The following ZNF135 variants were observed in gnomAD, a reference collection of about 807,000 sequenced individuals.
ZNF135 encodes zinc finger protein 135, also known as zinc finger protein 135 (clone pHZ-17).
A neutral mutation model predicts 12.3 loss-of-function variants in ZNF135; 11 were observed. That is an observed-to-expected ratio of 0.89 (90% CI 0.56 to 1.48). The LOEUF (loss-of-function observed/expected upper bound fraction) is 1.48. ZNF135 is among the 40% of genes most tolerant of loss of function. The pLI is 0.00. For missense variants in ZNF135, 722 were observed against 815.7 expected (o/e 0.89, Z 1.40); for synonymous variants, 316 against 312.0 (o/e 1.01, Z -0.14).
chr19:58,061,766 C>G, intron 3 of ZNF135, 60 bp downstream of exon 3: 1 of 1,545,336 alleles, frequency 6.5e-7, no homozygotes. Flanking sequence ...CTGATTCTAC[C>G]AGGTTAAATA....
rs1056176978 is a variant in ZNF135 at position 58,065,034 on chromosome 19, G to A, written c.256+1493G>A. Among the ~76,000 whole-genome samples the A allele has an allele frequency of 4.6e-5, 7 of 152,166 alleles. No homozygotes were observed. The highest frequency in any genetic ancestry group is 1.9e-4 in the East Asian group (1 of 5,204). ...CCCCTAGCCCCCTCATTGTTCAAGC[G>A]TCAACAATACTACACTTCGTAGCAT... On this transcript the variant is annotated intron_variant, in intron 4 of 4. Coordinates refer to ENST00000313434, the MANE Select transcript of ZNF135 (RefSeq NM_001289401.2). This position sits in a 1 kb window ranked among gnomAD's most constrained non-coding sequence, Gnocchi z 4.0.
In ZNF135 at chr19:58,059,949, T is replaced by A. The variant is rs2073939674; in HGVS notation, c.-34-20T>A. The stretch of plus-strand genomic sequence containing the variant: ...CACCGCCTCTGCCTGCCCCAGCTGC[T>A]CACCTCCCCTTTCCCACAGAGCAGG... On this transcript the variant is annotated intron_variant, in intron 1 of 4. Transcript: ENST00000313434. The surrounding 1 kb of genome is among the most constrained non-coding windows in gnomAD (Gnocchi z 6.5). 1 of 1,611,466 alleles carries A rather than the reference T, an allele frequency of 6.2e-7. No homozygotes were observed. Among genetic ancestry groups the A allele is most frequent in the Non-Finnish European group, 8.5e-7 (1 of 1,179,254 alleles).
Position 58,067,282 on chromosome 19 carries a change from G to A in ZNF135, c.798G>A (p.Gly266=), listed in dbSNP as rs866682625. 1 of 1,614,132 alleles carries A rather than the reference G, an allele frequency of 6.2e-7. No homozygotes were observed. The highest frequency in any genetic ancestry group is 8.5e-7 in the Non-Finnish European group (1 of 1,180,040). The change falls in exon 5 of 5, where the codon GGG becomes GGA. Residue 266 remains glycine (G), a synonymous_variant. Coordinates refer to ENST00000313434, the MANE Select transcript of ZNF135 (RefSeq NM_001289401.2). ...ALTKHQRIHT[G]EKPYKCTQCG... is the part of the protein sequence containing the mutation. Reference sequence around the variant, plus strand: ...CCAAACACCAGAGAATCCATACTGGGGAGAAACCCTATAAATGCACTCAGT... The same window carrying A: ...CCAAACACCAGAGAATCCATACTGGAGAGAAACCCTATAAATGCACTCAGT...
intron 2 of ZNF135, among the ~76,000 whole-genome samples, chr19:58,061,250 G>A (rs2073975404): frequency 6.6e-6 from 1 of 152,068 alleles, no homozygotes; most frequent in Non-Finnish European, 1.5e-5. Context: ...TCAAACTTAC[G>A]TGCTCAAGTG....
chr19:58,062,413 C>T (rs2073996397), intron 3 of ZNF135, among the ~76,000 whole-genome samples: 1 of 152,082 alleles, frequency 6.6e-6, no homozygotes, highest in African/African-American at 2.4e-5. Context: ...GACAGAGTCT[C>T]GCTGTGTCAC....
At position 58,059,684 on chromosome 19, in the gene ZNF135, C is replaced by G. The variant is rs1316668943; in HGVS notation, c.-34-285C>G. The G allele has an allele frequency of 3.8e-6, 2 of 527,678 alleles. No homozygotes were observed. Among genetic ancestry groups the G allele is most frequent in the Non-Finnish European group, 6.6e-6 (2 of 301,330 alleles). 32.7% of individuals were successfully genotyped at this position (527,678 alleles called of 1,614,324 possible). On this transcript the variant is annotated intron_variant, in intron 1 of 4. Coordinates refer to ENST00000313434, the MANE Select transcript of ZNF135 (RefSeq NM_001289401.2). The surrounding 1 kb of genome is among the most constrained non-coding windows in gnomAD (Gnocchi z 6.5). ...GGCATAGTGCCCAGGGCCAGGGGACCGCAACCACCCGGCCCTTGTCACTGT... is the reference window on the plus strand; with the variant it reads ...GGCATAGTGCCCAGGGCCAGGGGACGGCAACCACCCGGCCCTTGTCACTGT...
intron 2 of ZNF135, among the ~76,000 whole-genome samples, chr19:58,061,021 G>A (rs113129007): frequency 0.017 from 2,609 of 151,878 alleles, 27 homozygotes; most frequent in Middle Eastern, 0.027. Context: ...CCAGCTACTC[G>A]AGAGGCTGAG....
At position 58,065,873 on chromosome 19, in the gene ZNF135, C is replaced by T. The variant is rs1438773447; in HGVS notation, c.257-868C>T. ...GAAACATAACAATATGGGGAAGGTG[C>T]CCACATCACACCTCTAGGCCACTGT... is the stretch of plus-strand genomic sequence containing the variant. On this transcript the variant is annotated intron_variant, in intron 4 of 4. Transcript: ENST00000313434. The surrounding 1 kb of genome is among the most constrained non-coding windows in gnomAD (Gnocchi z 4.0). Among the ~76,000 whole-genome samples the T allele has an allele frequency of 6.6e-6, 1 of 151,826 alleles. No individual in the cohort carries two copies. The highest frequency in any genetic ancestry group is 1.5e-5 in the Non-Finnish European group (1 of 67,996).
At position 58,063,342 on chromosome 19, in the gene ZNF135, G is replaced by A. The variant is rs187012996; in HGVS notation, c.161-104G>A. 2,278 of 1,516,150 alleles carry A rather than the reference G, an allele frequency of 1.5e-3. 31 individuals carry two copies. In the African/African-American group the frequency reaches 0.027, roughly 18 times the overall value. 93.9% of individuals were successfully genotyped at this position (1,516,150 alleles called of 1,614,324 possible). A position where few individuals can be genotyped will look rare whatever the true frequency, so the allele number is the denominator to read the frequency against. ...GTATGACAGCTGAAGTCACTCAGGG[G>A]TCCCCAGCCATCTGGGACCTGGAAG... On this transcript the variant is annotated intron_variant, in intron 3 of 4. Transcript: ENST00000313434. This position sits in a 1 kb window ranked among gnomAD's most constrained non-coding sequence, Gnocchi z 4.4.
At chr19:58,064,778 C>G (rs1230312084) in intron 4 of ZNF135, among the ~76,000 whole-genome samples, 7 of 151,888 alleles carry the variant, frequency 4.6e-5, no homozygotes, top group Non-Finnish European at 1.0e-4. Flanking sequence ...GTAGTCCCAG[C>G]TACTCAGGAG....
rs1259451530 is a variant in ZNF135, at chr19:58,069,435, T to C, written c.*974T>C. On this transcript the variant is annotated 3_prime_UTR_variant, in exon 5 of 5. Transcript: ENST00000313434. ...TTCTGTTTTGCAAGATTCATCTTTT[T>C]TGGGATATGTTCAAGTTAATCCTCT... 2 of 152,222 alleles carry C rather than the reference T, an allele frequency of 1.3e-5. No homozygotes were observed. The highest frequency in any genetic ancestry group is 4.8e-5 in the African/African-American group (2 of 41,460). The allele number at this position is 152,222 out of a possible 1,614,324, so 9.4% of individuals were successfully genotyped here. A position where few individuals can be genotyped will look rare whatever the true frequency, so the allele number is the denominator to read the frequency against.
Position 58,068,437 on chromosome 19 carries a change from G to A in ZNF135, c.1953G>A (p.Lys651=), listed in dbSNP as rs773863254. 2 of 1,613,960 alleles carry A rather than the reference G, an allele frequency of 1.2e-6. No individual in the cohort carries two copies. The highest frequency in any genetic ancestry group is 1.7e-5 in the Admixed American group (1 of 60,010). Residue 651 remains lysine (K), a synonymous_variant, in exon 5 of 5, where the codon AAG becomes AAA. Transcript: ENST00000313434. The stretch of plus-strand genomic sequence containing the variant: ...TTACCCACAGCTCCTCCCTTACCAA[G>A]CACCAGAGAACTCACACTGGATAAA... ...KAFTHSSSLT[K]HQRTHTG is the part of the protein sequence containing the mutation.
chr19:58,067,961 C>T lies in ZNF135; in HGVS notation c.1477C>T (p.Pro493Ser). The T allele has an allele frequency of 1.2e-6, 2 of 1,614,010 alleles. No individual in the cohort carries two copies. The highest frequency in any genetic ancestry group is 1.7e-6 in the Non-Finnish European group (2 of 1,180,002). The change falls in exon 5 of 5, where the codon CCC becomes TCC. Residue 493 changes from proline (P) to serine (S), a missense_variant. Pro to Ser is a moderately conservative substitution (Grantham distance 74). Transcript: ENST00000313434. ...CCAGCGAATCCACACAGGGGAGAAG[C>T]CCTATGAATGCAATGACTGCGGCAA... ...QHQRIHTGEK[P>S]YECNDCGKAF...
rs762388661 is a variant in ZNF135, at chr19:58,067,044, C to T, written c.560C>T (p.Pro187Leu). 5.6e-6 allele frequency: 9 copies of T among 1,614,166 alleles called. No individual in the cohort carries two copies. The highest frequency in any genetic ancestry group is 7.6e-6 in the Non-Finnish European group (9 of 1,180,036). ...HQPMTPERQS[P>L]HTWGTRGKRE... The stretch of plus-strand genomic sequence containing the variant: ...CCAATGACTCCTGAAAGACAAAGCC[C>T]CCACACATGGGGAACACGTGGAAAA... Residue 187 changes from proline (P) to leucine (L), a missense_variant, in exon 5 of 5, where the codon CCC (proline) becomes CTC (leucine). By Grantham distance (98) the Pro-to-Leu change is moderately conservative (BLOSUM62 -3). Coordinates refer to ENST00000313434, the MANE Select transcript of ZNF135 (RefSeq NM_001289401.2).
At chr19:58,059,239 GA>G (rs34539430), upstream of ZNF135, 6 of 1,586,664 alleles carry the variant, frequency 3.8e-6, no homozygotes, top group Admixed American at 1.7e-5. This position sits in a 1 kb window ranked among gnomAD's most constrained non-coding sequence, Gnocchi z 6.5. Context: ...GGCTCTCTGG[GA>G]AATGGAGTTA....
chr19:58,060,223 C>G lies in ZNF135; in HGVS notation c.33+188C>G. 1 of 1,452,916 alleles carries G rather than the reference C, an allele frequency of 6.9e-7. No homozygotes were observed. The highest frequency in any genetic ancestry group is 9.1e-7 in the Non-Finnish European group (1 of 1,095,326). 90.0% of individuals were successfully genotyped at this position (1,452,916 alleles called of 1,614,324 possible). On this transcript the variant is annotated intron_variant, in intron 2 of 4. Coordinates refer to ENST00000313434, the MANE Select transcript of ZNF135 (RefSeq NM_001289401.2). This position sits in a 1 kb window ranked among gnomAD's most constrained non-coding sequence, Gnocchi z 4.9. Reference sequence around the variant, plus strand: ...CGGCCTCTACTCGCACAACTGGCCTCTACTCGCGCACCTGGCCTCTACTGG... The same window carrying G: ...CGGCCTCTACTCGCACAACTGGCCTGTACTCGCGCACCTGGCCTCTACTGG...
At chr19:58,061,525 A>C (rs1599921846) in intron 2 of ZNF135, 55 bp from the exon 3 acceptor site, 5 of 1,575,348 alleles carry the variant, frequency 3.2e-6, no homozygotes, top group Admixed American at 1.8e-5. Context: ...CAGCTACCCC[A>C]CCAGCAGCCA....
intron 2 of ZNF135, among the ~76,000 whole-genome samples, chr19:58,061,132 G>GGA (rs1555795740): frequency 6.7e-6 from 1 of 148,178 alleles, no homozygotes; most frequent in African/African-American, 2.5e-5. Flanking sequence ...CGTCTCGGGG[G>GGA]AAAAAAAAAA....
chr19:58,060,078 CCGGCCTCCTCGCGCG>C lies in ZNF135; in HGVS notation c.33+50_33+64del. The C allele has an allele frequency of 1.2e-6, 2 of 1,611,396 alleles. No homozygotes were observed. Among genetic ancestry groups the C allele is most frequent in the East Asian group, 2.2e-5 (1 of 44,852 alleles). ...CTTGCGCGTGTCCTCCACCTCGTGC[CCGGCCTCCTCGCGCG>C]CGGCCTTCTCACGCCCGGCCTCCTC... On this transcript the variant is annotated intron_variant, in intron 2 of 4. Transcript: ENST00000313434. The surrounding 1 kb of genome is among the most constrained non-coding windows in gnomAD (Gnocchi z 4.9).
Sources: gnomAD v4.1 joint callset for allele counts (sites outside exome capture counted in the v4.1 genomes callset) on GRCh38, gnomAD v4.1.1 for gene constraint, Gnocchi (gnomAD v3.1) non-coding constraint, MANE v1.5 for transcripts, NCBI Gene and HGNC (gene_info 2026-07-23, HGNC 2026-07-21) for gene names.